Variants in RBFOX1 observed in about 807,000 individuals in gnomAD.
RBFOX1 encodes the protein RNA binding protein fox-1 homolog 1.
Under a neutral mutation model 57.7 loss-of-function variants are expected in RBFOX1, and 8 were observed. The ratio of observed to expected loss-of-function variants is 0.14; its 90% CI spans 0.08 to 0.25. The LOEUF (loss-of-function observed/expected upper bound fraction) is 0.25, where lower values mean the gene tolerates loss of function less well. Ranked by LOEUF, RBFOX1 falls within the 10% of genes least tolerant of loss-of-function variation. The pLI, the probability that RBFOX1 is intolerant of heterozygous loss-of-function variation, is 1.00. For missense variants in RBFOX1, 611 were observed against 548.5 expected (o/e 1.11, Z -1.14); for synonymous variants, 326 against 222.4 (o/e 1.47, Z -4.15).
At chr16:6,775,042 A>G (rs1247276996) in intron 3 of RBFOX1, among the ~76,000 whole-genome samples, 1 of 151,902 alleles carries the variant, frequency 6.6e-6, no homozygotes, top group Non-Finnish European at 1.5e-5. Flanking sequence ...AAATGTAGAC[A>G]AGGCAGGGCG....
chr16:5,853,813 C>T (rs555917070), intron 3 of RBFOX1, among the ~76,000 whole-genome samples: 57 of 152,180 alleles, frequency 3.7e-4, no homozygotes, highest in African/African-American at 1.2e-3. Context: ...TGGAGTATAG[C>T]GGTTCAATCA....
At chr16:6,484,055 C>G (rs1020606781) in intron 2 of RBFOX1, 29 of 524,714 alleles carry the variant, frequency 5.5e-5, no homozygotes, top group African/African-American at 2.7e-4. Context: ...GGAGATGCAT[C>G]GATTTTCTTT....
At chr16:6,756,709 C>G (rs530421207) in intron 3 of RBFOX1, among the ~76,000 whole-genome samples, 1 of 152,108 alleles carries the variant, frequency 6.6e-6, no homozygotes, top group Non-Finnish European at 1.5e-5. Flanking sequence ...TGGTGGTTCA[C>G]GCCTGTAATC....
chr16:6,157,783 G>C (rs1003509958), intron 1 of RBFOX1, among the ~76,000 whole-genome samples: 1 of 152,112 alleles, frequency 6.6e-6, no homozygotes, highest in Non-Finnish European at 1.5e-5. Context: ...TCTGCTCTCT[G>C]TTATATTTCT....
chr16:5,755,970 A>G (rs1362898518), intron 3 of RBFOX1, among the ~76,000 whole-genome samples: 3 of 152,134 alleles, frequency 2.0e-5, no homozygotes, highest in African/African-American at 7.2e-5. Flanking sequence ...GCAGGCAGAC[A>G]TCACAGTTTG....
At chr16:6,246,232 G>T (rs1407560756) in intron 1 of RBFOX1, among the ~76,000 whole-genome samples, 3 of 152,168 alleles carry the variant, frequency 2.0e-5, no homozygotes, top group African/African-American at 7.2e-5. Context: ...TTTGTGACTG[G>T]AACTGATGGC....
chr16:6,391,638 G>T (rs753530510), intron 2 of RBFOX1, among the ~76,000 whole-genome samples: 10 of 152,180 alleles, frequency 6.6e-5, no homozygotes, highest in Non-Finnish European at 1.0e-4. Flanking sequence ...GTCCCAGAGA[G>T]AGGTTATAAT....
chr16:5,814,467 C>T (rs1425743209), intron 3 of RBFOX1, among the ~76,000 whole-genome samples: 1 of 152,166 alleles, frequency 6.6e-6, no homozygotes, highest in Non-Finnish European at 1.5e-5. Flanking sequence ...CTGTGCTGAG[C>T]ACTTCTTGGT....
intron 2 of RBFOX1, among the ~76,000 whole-genome samples, chr16:6,432,280 A>G (rs2094121758): frequency 1.3e-5 from 2 of 152,134 alleles, no homozygotes; most frequent in South Asian, 2.1e-4. Flanking sequence ...GAAAGTGCTC[A>G]GAAACATGCT....
At chr16:5,834,605 G>GATAGATAGATAT (rs559617489) in intron 3 of RBFOX1, among the ~76,000 whole-genome samples, 4 of 151,582 alleles carry the variant, frequency 2.6e-5, no homozygotes, top group African/African-American at 7.3e-5. Context: ...TAGATAGATA[G>GATAGATAGATAT]ATAGATAGAT....
At chr16:5,942,899 G>C (rs920595757) in intron 4 of RBFOX1, among the ~76,000 whole-genome samples, 2 of 152,166 alleles carry the variant, frequency 1.3e-5, no homozygotes, top group African/African-American at 4.8e-5. Context: ...CTTTATTGTT[G>C]ATTCTTGGGA....
intron 2 of RBFOX1, among the ~76,000 whole-genome samples, chr16:6,383,990 C>T (rs2092047957): frequency 6.6e-6 from 1 of 151,384 alleles, no homozygotes; most frequent in South Asian, 2.1e-4. Context: ...ACATTTACTG[C>T]TGCTATCACT....
At chr16:7,401,288 G>A (rs1433075388) in intron 4 of RBFOX1, among the ~76,000 whole-genome samples, 2 of 152,168 alleles carry the variant, frequency 1.3e-5, no homozygotes, top group Non-Finnish European at 2.9e-5. Context: ...AAAAGGTGAA[G>A]CTTTTCATAT....
intron 3 of RBFOX1, among the ~76,000 whole-genome samples, chr16:6,919,169 G>T (rs1037694371): frequency 6.6e-6 from 1 of 151,940 alleles, no homozygotes; most frequent in African/African-American, 2.4e-5. Context: ...TTTTTTTGGA[G>T]ATGGGGTTTC....
intron 3 of RBFOX1, among the ~76,000 whole-genome samples, chr16:5,684,620 C>T (rs908964228): frequency 1.3e-5 from 2 of 152,148 alleles, no homozygotes; most frequent in African/African-American, 4.8e-5. Flanking sequence ...AAAGTAACTT[C>T]TTGATGCGTT....
At chr16:6,709,391 C>T (rs536448650) in intron 3 of RBFOX1, among the ~76,000 whole-genome samples, 2 of 152,160 alleles carry the variant, frequency 1.3e-5, no homozygotes, top group Non-Finnish European at 2.9e-5. Context: ...ACTTGTTATT[C>T]TGTGGAAGAA....
At chr16:7,387,628 G>T (rs929368028) in intron 4 of RBFOX1, among the ~76,000 whole-genome samples, 12 of 152,090 alleles carry the variant, frequency 7.9e-5, no homozygotes, top group Non-Finnish European at 1.6e-4. Flanking sequence ...TGCAAAAGCC[G>T]CTGTGTGTTT....
chr16:6,409,109 T>A (rs960304032), intron 2 of RBFOX1, among the ~76,000 whole-genome samples: 9 of 152,196 alleles, frequency 5.9e-5, no homozygotes, highest in African/African-American at 2.2e-4. Flanking sequence ...CAAATACTAA[T>A]GTTTTATAAC....
intron 4 of RBFOX1, among the ~76,000 whole-genome samples, chr16:7,120,323 A>C (rs1267732277): frequency 2.1e-5 from 3 of 144,414 alleles, no homozygotes; most frequent in Non-Finnish European, 4.5e-5. Flanking sequence ...AAGAGAAAGA[A>C]GGGAATAGTA....
Sources: gnomAD v4.1 joint callset for allele counts (sites outside exome capture counted in the v4.1 genomes callset) on GRCh38, gnomAD v4.1.1 for gene constraint, MANE v1.5 for transcripts, NCBI Gene and HGNC (gene_info 2026-07-23, HGNC 2026-07-21) for gene names.